LYST: variants seen among roughly 807,000 people sequenced by gnomAD.
LYST encodes the protein lysosomal trafficking regulator.
LYST carries 192 observed loss-of-function variants against 413.6 expected under a neutral mutation model. The ratio of observed to expected loss-of-function variants is 0.46; its 90% confidence interval spans 0.41 to 0.52. The LOEUF is 0.52. Among genes scored for constraint, LYST ranks in the 20% least tolerant of loss-of-function variants. LYST has a pLI of 0.00. For synonymous variants in LYST, 1,525 were observed against 1,567.3 expected, an observed-to-expected ratio of 0.97 and a Z score of 0.64; for missense variants, 3,815 against 4,499.9, an observed-to-expected ratio of 0.85 and a Z score of 4.35.
chr1:235,775,487 C>T (rs1669141005), intron 17 of LYST, among the ~76,000 whole-genome samples: 1 of 152,172 alleles, frequency 6.6e-6, no homozygotes, highest in South Asian at 2.1e-4. Flanking sequence ...TAAGATGTAT[C>T]TATAAAAACC....
intron 15 of LYST, 44 bp from the exon 16 acceptor site, chr1:235,781,099 C>T (rs1288460535): frequency 8.1e-7 from 1 of 1,232,210 alleles, no homozygotes; most frequent in Non-Finnish European, 1.2e-6. Context: ...AACACCCTAA[C>T]CAGAATTTTT....
chr1:235,743,890 T>C, intron 30 of LYST, 89 bp downstream of exon 30: 1 of 769,290 alleles, frequency 1.3e-6, no homozygotes, highest in Non-Finnish European at 2.2e-6. Context: ...CACAAAGAAA[T>C]ATGATTTTGA....
chr1:235,823,247 C>G (rs1238208211), intron 3 of LYST, among the ~76,000 whole-genome samples: 1 of 152,192 alleles, frequency 6.6e-6, no homozygotes, highest in Non-Finnish European at 1.5e-5. Flanking sequence ...TGTGATCACA[C>G]TCTCACTACT....
chr1:235,827,730 A>T, intron 3 of LYST: 1 of 974,162 alleles, frequency 1.0e-6, no homozygotes, highest in South Asian at 4.7e-5. Flanking sequence ...GGTGGAAAGA[A>T]GGGATTAAAA....
At chr1:235,834,921 A>C (rs1558318122) in intron 1 of LYST, among the ~76,000 whole-genome samples, 1 of 147,712 alleles carries the variant, frequency 6.8e-6, no homozygotes, top group Non-Finnish European at 1.5e-5. Flanking sequence ...TATCATGCAA[A>C]TTTTTTTTTT....
chr1:235,677,033 G>T, intron 50 of LYST, 58 bp downstream of exon 50: 2 of 1,253,976 alleles, frequency 1.6e-6, no homozygotes, highest in Non-Finnish European at 2.3e-6. Flanking sequence ...GTAACCACTG[G>T]CCGAATGCGC....
In LYST at chr1:235,674,309, T is replaced by C. The variant is rs1222488627; in HGVS notation, c.11038+2782A>G. Among the ~76,000 whole-genome samples the C allele has an allele frequency of 6.6e-6, 1 of 152,008 alleles. No individual in the cohort carries two copies. The highest frequency in any genetic ancestry group is 2.4e-5 in the African/African-American group (1 of 41,364). On this transcript the variant is annotated intron_variant, in intron 50 of 52. Coordinates refer to ENST00000389793, the MANE Select transcript of LYST (RefSeq NM_000081.4). The surrounding 1 kb of genome is among the most constrained non-coding windows in gnomAD (Gnocchi z 4.1). ...ATTGTAGTGGACCACTATTAAGTACTCTGCCAAGCAAGTGGAGTGGCATTT... is the reference window on the plus strand; with the variant it reads ...ATTGTAGTGGACCACTATTAAGTACCCTGCCAAGCAAGTGGAGTGGCATTT...
chr1:235,716,926 C>A, intron 40 of LYST, 148 bp from the exon 41 acceptor site: 1 of 565,400 alleles, frequency 1.8e-6, no homozygotes, highest in Non-Finnish European at 3.2e-6. Flanking sequence ...TTGTAACTAA[C>A]AGTCACCATT....
At chr1:235,796,405 A>AC (rs1306449858) in intron 10 of LYST, among the ~76,000 whole-genome samples, 1 of 151,998 alleles carries the variant, frequency 6.6e-6, no homozygotes, top group African/African-American at 2.4e-5. Flanking sequence ...CATAAAAAAA[A>AC]CCTCTTACTA....
At chr1:235,779,146 C>G (rs778951670) in intron 16 of LYST, among the ~76,000 whole-genome samples, 1 of 152,178 alleles carries the variant, frequency 6.6e-6, no homozygotes, top group Admixed American at 6.5e-5. Flanking sequence ...GGATTACAGG[C>G]ATGAGCCACC....
At chr1:235,746,585 C>A (rs1174068695) in intron 28 of LYST, 58 bp from the exon 29 acceptor site, 4 of 1,348,662 alleles carry the variant, frequency 3.0e-6, no homozygotes, top group African/African-American at 1.4e-5. Flanking sequence ...ATCAAGGAAA[C>A]TATTTTTGCT....
At chr1:235,773,317 CA>C (rs145099272) in intron 19 of LYST, among the ~76,000 whole-genome samples, 7 of 141,138 alleles carry the variant, frequency 5.0e-5, no homozygotes, top group Admixed American at 2.9e-4. Context: ...AACTCCATTT[CA>C]AAAAAAAAAC....
Position 235,809,611 on chromosome 1 carries a change from C to G in LYST, c.1207G>C (p.Glu403Gln). The change falls in exon 5 of 53, where the codon GAG (glutamate) becomes CAG (glutamine). Residue 403 changes from glutamate (E) to glutamine (Q), a missense_variant. By Grantham distance (29) the Glu-to-Gln change is conservative (BLOSUM62 2). This residue lies in a region of LYST where 1,648 missense variants were observed against 1,810.3 expected (regional missense o/e 0.91). Coordinates refer to ENST00000389793, the MANE Select transcript of LYST (RefSeq NM_000081.4). The surrounding 1 kb of genome is among the most constrained non-coding windows in gnomAD (Gnocchi z 4.0). Reference sequence around the variant, plus strand: ...ATCTGAAGAACTCCTTCCAAAAGCTCAGGTAAAAGAAGGGCTCTATGACGA... The same window carrying G: ...ATCTGAAGAACTCCTTCCAAAAGCTGAGGTAAAAGAAGGGCTCTATGACGA... Reference protein sequence around the residue: ...KYRHRALLLPELLEGVLQILI... With the variant: ...KYRHRALLLPQLLEGVLQILI... 6.2e-7 allele frequency: 1 copy of G among 1,614,038 alleles called. No individual in the cohort carries two copies. The highest frequency in any genetic ancestry group is 8.5e-7 in the Non-Finnish European group (1 of 1,179,962).
At chr1:235,698,715 CA>C (rs1275351020) in intron 45 of LYST, among the ~76,000 whole-genome samples, 1 of 151,884 alleles carries the variant, frequency 6.6e-6, no homozygotes, top group African/African-American at 2.4e-5. Context: ...ACTAAAAATA[CA>C]AAAAAATTTA....
intron 25 of LYST, among the ~76,000 whole-genome samples, chr1:235,754,692 T>C (rs1666837364): frequency 6.6e-6 from 1 of 152,156 alleles, no homozygotes; most frequent in Non-Finnish European, 1.5e-5. Flanking sequence ...AATACATTGA[T>C]TTACCTGGAA....
At chr1:235,763,877 T>C (rs571428459) in intron 21 of LYST, among the ~76,000 whole-genome samples, 1 of 152,152 alleles carries the variant, frequency 6.6e-6, no homozygotes, top group African/African-American at 2.4e-5. Context: ...TTGATGAGCA[T>C]CTCATTACTC....
At chr1:235,786,925 G>A (rs1670478202) in intron 14 of LYST, 1 of 284,836 alleles carries the variant, frequency 3.5e-6, no homozygotes. Context: ...GGGAGGGATA[G>A]CATAGGAGAT....
intron 44 of LYST, among the ~76,000 whole-genome samples, chr1:235,708,871 A>G (rs1416138120): frequency 1.3e-5 from 2 of 152,182 alleles, no homozygotes; most frequent in Non-Finnish European, 1.5e-5. Flanking sequence ...CTAGTGAATC[A>G]TCAAACCTGG....
intron 50 of LYST, among the ~76,000 whole-genome samples, chr1:235,670,022 C>A (rs1658803068): frequency 6.6e-6 from 1 of 152,144 alleles, no homozygotes; most frequent in South Asian, 2.1e-4. Flanking sequence ...TAATAAGTTT[C>A]TCTTCAAAGC....
Sources: allele counts gnomAD v4.1 joint callset (sites outside exome capture counted in the v4.1 genomes callset), GRCh38; gene constraint gnomAD v4.1.1; regional missense constraint gnomAD v4.1.1; non-coding constraint Gnocchi (gnomAD v3.1); transcripts MANE v1.5; gene names NCBI Gene and HGNC (gene_info 2026-07-23, HGNC 2026-07-21).